Variants in ADGRL3 observed in about 807,000 individuals in gnomAD.
The protein encoded by ADGRL3 is adhesion G protein-coupled receptor L3, also known as calcium-independent alpha-latrotoxin receptor 3.
Under a neutral mutation model 153.5 loss-of-function variants are expected in ADGRL3, and 62 were observed. The observed-to-expected ratio is 0.40, with a 90% CI of 0.33 to 0.50. The LOEUF is 0.50. Among genes scored for constraint, ADGRL3 ranks in the 20% least tolerant of loss-of-function variants. ADGRL3 has a pLI of 0.47. For synonymous variants in ADGRL3, 710 were observed against 672.5 expected, an observed-to-expected ratio of 1.06 and a Z score of -0.86; for missense variants, 1,641 against 1,859.4, an observed-to-expected ratio of 0.88 and a Z score of 2.16.
At chr4:61,707,212 C>G (rs1337357476) in intron 6 of ADGRL3, among the ~76,000 whole-genome samples, 1 of 152,150 alleles carries the variant, frequency 6.6e-6, no homozygotes, top group Admixed American at 6.6e-5. Flanking sequence ...TCAAGTATCA[C>G]TGATCACAGA....
intron 21 of ADGRL3, among the ~76,000 whole-genome samples, chr4:62,007,460 A>G (rs1313291025): frequency 7.5e-6 from 1 of 133,800 alleles, no homozygotes; most frequent in East Asian, 2.1e-4. Context: ...ATATATACAT[A>G]TATGTGTGTG....
chr4:61,377,968 G>A (rs977589027), intron 1 of ADGRL3, among the ~76,000 whole-genome samples: 1 of 151,886 alleles, frequency 6.6e-6, no homozygotes, highest in African/African-American at 2.4e-5. Context: ...ATATAGAAAT[G>A]TTAACACTTT....
intron 25 of ADGRL3, 68 bp downstream of exon 25, chr4:62,044,617 C>A: frequency 1.9e-6 from 2 of 1,059,668 alleles, no homozygotes; most frequent in Non-Finnish European, 2.8e-6. Flanking sequence ...AAATTCATTG[C>A]TTTATTTGCA....
chr4:62,048,358 G>T lies in ADGRL3; in HGVS notation c.3814+3809G>T, dbSNP rs552040076. Among the ~76,000 whole-genome samples, 16 of 152,072 alleles carry T rather than the reference G, an allele frequency of 1.1e-4. No homozygotes were observed. In the South Asian group the frequency reaches 3.1e-3, roughly 30 times the overall value. ...GCTCACTGCAACCTCCATCTCCCCAGTTCAAGCAATTCTCCTGCCTCAGCC... is the reference window on the plus strand; with the variant it reads ...GCTCACTGCAACCTCCATCTCCCCATTTCAAGCAATTCTCCTGCCTCAGCC... On this transcript the variant is annotated intron_variant, in intron 25 of 26. Coordinates refer to ENST00000683033, the MANE Select transcript of ADGRL3 (RefSeq NM_001387552.1).
intron 1 of ADGRL3, among the ~76,000 whole-genome samples, chr4:61,267,917 T>C (rs1287457435): frequency 6.6e-6 from 1 of 151,652 alleles, no homozygotes; most frequent in Non-Finnish European, 1.5e-5. Flanking sequence ...ATGTTGAAAA[T>C]ACTTTAAAAA....
chr4:61,638,205 A>G (rs2093512627), intron 5 of ADGRL3, among the ~76,000 whole-genome samples: 1 of 152,178 alleles, frequency 6.6e-6, no homozygotes, highest in Admixed American at 6.6e-5. Context: ...ATTGTTCACC[A>G]ATAGAAAGGG....
chr4:61,596,886 C>T (rs2098991230), intron 5 of ADGRL3, among the ~76,000 whole-genome samples: 1 of 151,976 alleles, frequency 6.6e-6, no homozygotes, highest in East Asian at 1.9e-4. Flanking sequence ...AACTGTTATC[C>T]TAGTATTTGT....
chr4:61,782,861 T>C (rs761043503), intron 8 of ADGRL3, among the ~76,000 whole-genome samples: 33 of 152,174 alleles, frequency 2.2e-4, no homozygotes, highest in Non-Finnish European at 4.0e-4. Context: ...TGTGTCAGTC[T>C]GCTTCATTTT....
chr4:61,489,877 CA>C (rs2098239089), intron 2 of ADGRL3, among the ~76,000 whole-genome samples: 1 of 152,020 alleles, frequency 6.6e-6, no homozygotes, highest in Non-Finnish European at 1.5e-5. Flanking sequence ...TCTTAAAAGA[CA>C]ATACTTGGAG....
intron 17 of ADGRL3, among the ~76,000 whole-genome samples, chr4:61,972,654 T>C (rs530338716): frequency 2.6e-5 from 4 of 152,278 alleles, no homozygotes; most frequent in African/African-American, 9.6e-5. Context: ...CTTTTTTGGT[T>C]CCATATGAAC....
chr4:61,599,468 G>A (rs969039645), intron 5 of ADGRL3, among the ~76,000 whole-genome samples: 3 of 152,156 alleles, frequency 2.0e-5, no homozygotes, highest in African/African-American at 4.8e-5. Flanking sequence ...GAGTAGCTGG[G>A]ATTACAGGTG....
At position 61,712,060 on chromosome 4, in the gene ADGRL3, C is replaced by T. The variant is rs73823207; in HGVS notation, c.584-18562C>T. ...TCACCTTTGCATTTCATTCCATACTCAGTTACATTCGCAAAGAACAGTATA... is the reference window on the plus strand; with the variant it reads ...TCACCTTTGCATTTCATTCCATACTTAGTTACATTCGCAAAGAACAGTATA... On this transcript the variant is annotated intron_variant, in intron 6 of 26. Coordinates refer to ENST00000683033, the MANE Select transcript of ADGRL3 (RefSeq NM_001387552.1). 5.1e-3 allele frequency among the ~76,000 whole-genome samples: 772 copies of T among 152,188 alleles called. 10 individuals are homozygous for T. Among genetic ancestry groups the T allele is most frequent in the African/African-American group, 0.018 (728 of 41,514 alleles).
intron 17 of ADGRL3, among the ~76,000 whole-genome samples, chr4:61,970,177 A>G (rs1477507701): frequency 6.6e-6 from 1 of 152,164 alleles, no homozygotes; most frequent in Non-Finnish European, 1.5e-5. Context: ...TAGAATTAAA[A>G]TGAGTACCTT....
chr4:61,906,920 T>C (rs1433155394), intron 11 of ADGRL3, among the ~76,000 whole-genome samples: 1 of 152,158 alleles, frequency 6.6e-6, no homozygotes, highest in Non-Finnish European at 1.5e-5. Context: ...CCCTTTGAGC[T>C]TTCTGAATAC....
chr4:61,269,431 T>C (rs1163939785), intron 1 of ADGRL3, among the ~76,000 whole-genome samples: 1 of 151,696 alleles, frequency 6.6e-6, no homozygotes, highest in Non-Finnish European at 1.5e-5. Context: ...AATCTGATGA[T>C]GGTTGTGTAG....
Position 61,912,707 on chromosome 4 carries a change from T to C in ADGRL3, c.2074-12T>C. 6.2e-7 allele frequency: 1 copy of C among 1,612,836 alleles called. No homozygotes were observed. The highest frequency in any genetic ancestry group is 8.5e-7 in the Non-Finnish European group (1 of 1,179,080). Reference sequence around the variant, plus strand: ...CTATTCTGTGTTTAATCTGCTGTCTTAATGGATTCAGCTTCAGAAAAGAGA... The same window carrying C: ...CTATTCTGTGTTTAATCTGCTGTCTCAATGGATTCAGCTTCAGAAAAGAGA... On this transcript the variant is annotated splice_polypyrimidine_tract_variant and intron_variant, in intron 12 of 26. Coordinates refer to ENST00000683033, the MANE Select transcript of ADGRL3 (RefSeq NM_001387552.1).
At position 61,497,208 on chromosome 4, in the gene ADGRL3, A is replaced by G. The variant is rs1180580290; in HGVS notation, c.-86A>G. ...GAAGAAAAATCATCAGTCTTGGAAT[A>G]CAGAAGAGAAACTAGAAATATACGT... On this transcript the variant is annotated 5_prime_UTR_variant, in exon 3 of 27. The change creates a new upstream start codon in the 5' untranslated region. Coordinates refer to ENST00000683033, the MANE Select transcript of ADGRL3 (RefSeq NM_001387552.1). 1.3e-6 allele frequency: 1 copy of G among 772,114 alleles called. No homozygotes were observed. The highest frequency in any genetic ancestry group is 2.1e-6 in the Non-Finnish European group (1 of 467,114). The allele number at this position is 772,114 out of a possible 1,614,324, so 47.8% of individuals were successfully genotyped here.
chr4:61,964,937 T>A (rs1185287418), intron 17 of ADGRL3, among the ~76,000 whole-genome samples: 1 of 152,160 alleles, frequency 6.6e-6, no homozygotes, highest in Non-Finnish European at 1.5e-5. Context: ...CTATACTCTA[T>A]TTGTTCCAGA....
chr4:61,820,173 T>A (rs536076002), intron 9 of ADGRL3, among the ~76,000 whole-genome samples: 1 of 152,310 alleles, frequency 6.6e-6, no homozygotes, highest in African/African-American at 2.4e-5. Context: ...AGTTACAAAA[T>A]ACCTTTGAAT....
Sources: gnomAD v4.1 joint callset for allele counts (sites outside exome capture counted in the v4.1 genomes callset) on GRCh38, gnomAD v4.1.1 for gene constraint, MANE v1.5 for transcripts, NCBI Gene and HGNC (gene_info 2026-07-23, HGNC 2026-07-21) for gene names.